FSTL5: variants seen among roughly 807,000 people sequenced by gnomAD.
FSTL5 encodes the protein follistatin-related protein 5.
FSTL5 carries 62 observed loss-of-function variants against 89.1 expected under a neutral mutation model. That is an observed-to-expected ratio of 0.70 (90% CI 0.57 to 0.86). FSTL5 has a LOEUF of 0.86. FSTL5 is among the 40% of genes least tolerant of loss of function. The pLI is 0.00. For missense variants in FSTL5, 1,057 were observed against 1,001.6 expected (o/e 1.06, Z -0.75); for synonymous variants, 383 against 346.2 (o/e 1.11, Z -1.18).
At chr4:161,520,487 C>T (rs1269018372) in intron 10 of FSTL5, among the ~76,000 whole-genome samples, 1 of 151,804 alleles carries the variant, frequency 6.6e-6, no homozygotes, top group Non-Finnish European at 1.5e-5. Flanking sequence ...CAAAAAACAT[C>T]AAAGACATCG....
chr4:162,113,984 C>G (rs17538458), intron 1 of FSTL5, among the ~76,000 whole-genome samples: 31,999 of 152,114 alleles, frequency 0.21, 4,339 homozygotes, highest in Admixed American at 0.33. Context: ...TTTTCTTCAG[C>G]ATTACATCAC....
At chr4:161,723,921 CTCAG>C (rs1171128562) in intron 6 of FSTL5, among the ~76,000 whole-genome samples, 1 of 152,024 alleles carries the variant, frequency 6.6e-6, no homozygotes, top group Non-Finnish European at 1.5e-5. Context: ...GTTTGGGATG[CTCAG>C]TCAAATTTAA....
At chr4:161,744,238 G>A (rs777159002) in intron 6 of FSTL5, among the ~76,000 whole-genome samples, 7 of 152,024 alleles carry the variant, frequency 4.6e-5, no homozygotes, top group African/African-American at 9.6e-5. Flanking sequence ...TGAGGCTCCC[G>A]TCCAGCTAAC....
At chr4:161,658,682 C>A (rs1440672808) in intron 6 of FSTL5, among the ~76,000 whole-genome samples, 1 of 152,106 alleles carries the variant, frequency 6.6e-6, no homozygotes, top group Admixed American at 6.6e-5. Context: ...AAGTTGAAAT[C>A]TGCATACACA....
At chr4:162,055,152 G>T (rs972281389) in intron 2 of FSTL5, among the ~76,000 whole-genome samples, 1 of 151,712 alleles carries the variant, frequency 6.6e-6, no homozygotes, top group Non-Finnish European at 1.5e-5. Context: ...GCATCAAATT[G>T]TTGTTTAATG....
At chr4:162,143,785 T>TAC (rs70946245) in intron 1 of FSTL5, among the ~76,000 whole-genome samples, 20,662 of 138,242 alleles carry the variant, frequency 0.15, 1,368 homozygotes, top group Middle Eastern at 0.28. Flanking sequence ...TGACTTTAAA[T>TAC]ACACACACAC....
chr4:161,848,691 G>A (rs1731454175), intron 4 of FSTL5, among the ~76,000 whole-genome samples: 1 of 152,070 alleles, frequency 6.6e-6, no homozygotes, highest in South Asian at 2.1e-4. Flanking sequence ...CAATGTGTTG[G>A]TTCAAACTCT....
chr4:161,438,871 C>T (rs899150065), intron 15 of FSTL5, among the ~76,000 whole-genome samples: 4 of 151,266 alleles, frequency 2.6e-5, no homozygotes, highest in Non-Finnish European at 5.9e-5. Context: ...TATTATTTTC[C>T]ATTATAGTAA....
At chr4:161,619,193 G>A (rs1735012392) in intron 7 of FSTL5, among the ~76,000 whole-genome samples, 2 of 152,264 alleles carry the variant, frequency 1.3e-5, no homozygotes, top group East Asian at 3.9e-4. Flanking sequence ...ATTAATTCAA[G>A]ATGGATTAAA....
chr4:161,811,279 C>T (rs1246948434), intron 4 of FSTL5, among the ~76,000 whole-genome samples: 8 of 151,866 alleles, frequency 5.3e-5, no homozygotes, highest in East Asian at 1.9e-4. Flanking sequence ...TTATGGAAGC[C>T]GAAGCAAGAG....
chr4:162,140,434 C>G (rs1026727062), intron 1 of FSTL5, among the ~76,000 whole-genome samples: 7 of 152,132 alleles, frequency 4.6e-5, no homozygotes, highest in African/African-American at 1.4e-4. Flanking sequence ...ATCTTTACAA[C>G]AGTAAAAACT....
At chr4:162,069,682 T>C (rs918120862) in intron 2 of FSTL5, among the ~76,000 whole-genome samples, 2 of 151,952 alleles carry the variant, frequency 1.3e-5, no homozygotes, top group African/African-American at 4.8e-5. Flanking sequence ...CTTACTCCAA[T>C]GTCCTCCAGG....
chr4:161,978,506 T>C lies in FSTL5; in HGVS notation c.160+55119A>G, dbSNP rs1735727678. Among the ~76,000 whole-genome samples, 4 of 152,282 alleles carry C rather than the reference T, an allele frequency of 2.6e-5. 1 individual carries two copies. Among genetic ancestry groups the C allele is most frequent in the South Asian group, 4.1e-4 (2 of 4,834 alleles). On this transcript the variant is annotated intron_variant, in intron 3 of 15. Coordinates refer to ENST00000306100, the MANE Select transcript of FSTL5 (RefSeq NM_020116.5). ...TTATTTTACAACGTAAGAATAGTTT[T>C]AAATTTAACATTTTATCAATTTATT...
chr4:161,928,310 T>A (rs1018364923), intron 3 of FSTL5, among the ~76,000 whole-genome samples: 3 of 151,840 alleles, frequency 2.0e-5, no homozygotes, highest in Admixed American at 1.3e-4. Flanking sequence ...ATTCACCTAC[T>A]GAAGGGCATC....
intron 3 of FSTL5, among the ~76,000 whole-genome samples, chr4:162,021,863 C>T (rs768680509): frequency 9.5e-4 from 145 of 151,868 alleles, no homozygotes; most frequent in Admixed American, 2.4e-3. Flanking sequence ...GAGGCCGAGG[C>T]GGGTGGATCA....
intron 4 of FSTL5, among the ~76,000 whole-genome samples, chr4:161,800,870 A>T (rs957864082): frequency 1.3e-5 from 2 of 151,596 alleles, no homozygotes; most frequent in African/African-American, 4.8e-5. Flanking sequence ...ACAATCCCTT[A>T]CAATAAAATT....
At chr4:161,963,559 A>G (rs1381150288) in intron 3 of FSTL5, among the ~76,000 whole-genome samples, 2 of 151,996 alleles carry the variant, frequency 1.3e-5, no homozygotes, top group East Asian at 1.9e-4. Flanking sequence ...AAAGAAAATC[A>G]TAACAAAAAA....
At chr4:161,632,447 C>T (rs1389102758) in intron 7 of FSTL5, among the ~76,000 whole-genome samples, 4 of 152,076 alleles carry the variant, frequency 2.6e-5, no homozygotes, top group Non-Finnish European at 4.4e-5. Context: ...GGCAATAATA[C>T]ATTTAGACAT....
intron 4 of FSTL5, among the ~76,000 whole-genome samples, chr4:161,848,231 A>G (rs1731438235): frequency 6.6e-6 from 1 of 152,078 alleles, no homozygotes; most frequent in Non-Finnish European, 1.5e-5. Context: ...GATCTCAGAC[A>G]TGATTAGGCT....
Sources: allele counts gnomAD v4.1 joint callset (sites outside exome capture counted in the v4.1 genomes callset), GRCh38; gene constraint gnomAD v4.1.1; transcripts MANE v1.5; gene names NCBI Gene and HGNC (gene_info 2026-07-23, HGNC 2026-07-21).